The following BAZ1B variants were observed in gnomAD, a reference collection of about 807,000 sequenced individuals.
The protein encoded by BAZ1B is bromodomain adjacent to zinc finger domain 1B, also known as tyrosine-protein kinase BAZ1B.
Under a neutral mutation model 153.8 loss-of-function variants are expected in BAZ1B, and 22 were observed. The ratio of observed to expected loss-of-function variants is 0.14; its 90% CI spans 0.10 to 0.20. BAZ1B has a LOEUF of 0.20. Among genes scored for constraint, BAZ1B ranks in the 10% least tolerant of loss-of-function variants. BAZ1B has a pLI of 1.00. For missense variants in BAZ1B, 1,325 were observed against 1,799.3 expected (o/e 0.74, Z 4.77); for synonymous variants, 676 against 633.4 (o/e 1.07, Z -1.01).
At chr7:73,493,914 G>C (rs1348835854) in intron 4 of BAZ1B, among the ~76,000 whole-genome samples, 1 of 151,444 alleles carries the variant, frequency 6.6e-6, no homozygotes, top group African/African-American at 2.4e-5. Context: ...CAAGCAATAA[G>C]GTGTGGTTAA....
chr7:73,467,477 C>T (rs71556715), intron 9 of BAZ1B, among the ~76,000 whole-genome samples: 20,423 of 152,104 alleles, frequency 0.13, 1,513 homozygotes, highest in African/African-American at 0.19. Context: ...TTAAACAATT[C>T]TCTTGCCTCA....
chr7:73,520,311 A>G (rs1163136328), intron 1 of BAZ1B, among the ~76,000 whole-genome samples: 1 of 152,098 alleles, frequency 6.6e-6, no homozygotes, highest in African/African-American at 2.4e-5. Context: ...ACAGGACAAG[A>G]AAAAAACCAG....
chr7:73,459,358 T>C (rs1788315180), intron 13 of BAZ1B, among the ~76,000 whole-genome samples, 178 bp downstream of exon 13: 1 of 149,860 alleles, frequency 6.7e-6, no homozygotes, highest in Non-Finnish European at 1.5e-5. Context: ...CACAGGCCAG[T>C]GTGAAAACCA....
rs765035145 is a variant in BAZ1B at position 73,475,775 on chromosome 7, T to C, written c.2593+1093A>G. On this transcript the variant is annotated intron_variant, in intron 7 of 19. Transcript: ENST00000339594. ...CCCCATCTCTACAAAAACACAAAAA[T>C]TGGCCAGGCATGATGGCGCATGCCT... is the stretch of plus-strand genomic sequence containing the variant. Among the ~76,000 whole-genome samples the C allele has an allele frequency of 2.4e-4, 36 of 151,778 alleles. 1 individual carries two copies. The highest frequency in any genetic ancestry group is 1.8e-3 in the Admixed American group (28 of 15,240).
In BAZ1B at chr7:73,498,663, C is replaced by T; in HGVS notation, c.405G>A (p.Val135=). 6.2e-7 allele frequency: 1 copy of T among 1,614,076 alleles called. No individual in the cohort carries two copies. ...CCACTTTCTCCAAAGGATGAATCTT[C>T]ACAATCTTCACCTTGAGCATTTTCT... ...GKEKMLKVKI[V]KIHPLEKVDE... is the part of the protein sequence containing the mutation. Residue 135 remains valine, a synonymous_variant, in exon 4 of 20, where the codon GTG becomes GTA. Transcript: ENST00000339594.
chr7:73,480,363 T>C (rs1037398818), intron 6 of BAZ1B, among the ~76,000 whole-genome samples: 1 of 152,112 alleles, frequency 6.6e-6, no homozygotes, highest in South Asian at 2.1e-4. Context: ...TCCGGTCCAT[T>C]TGTCATGATA....
At chr7:73,462,724 T>C (rs1788436350) in intron 12 of BAZ1B, 198 bp downstream of exon 12, 2 of 600,318 alleles carry the variant, frequency 3.3e-6, no homozygotes, top group Non-Finnish European at 5.7e-6. Flanking sequence ...TTACTAAGTT[T>C]TTCTGGATAG....
intron 1 of BAZ1B, among the ~76,000 whole-genome samples, chr7:73,518,593 C>T (rs907925415): frequency 6.6e-6 from 1 of 152,116 alleles, no homozygotes; most frequent in Non-Finnish European, 1.5e-5. Flanking sequence ...GTAGTCCCAG[C>T]TACTCTGGAG....
intron 1 of BAZ1B, among the ~76,000 whole-genome samples, chr7:73,518,326 T>C (rs1318644713): frequency 6.6e-6 from 1 of 150,438 alleles, no homozygotes; most frequent in East Asian, 1.9e-4. Context: ...GGCAGGAAAA[T>C]GGCGTGAACC....
intron 1 of BAZ1B, among the ~76,000 whole-genome samples, chr7:73,512,689 C>T (rs1284356334): frequency 2.0e-5 from 3 of 152,184 alleles, no homozygotes. Context: ...GCAACAGATG[C>T]TATGTAAGAA....
chr7:73,499,792 C>G (rs1790052985), intron 3 of BAZ1B, among the ~76,000 whole-genome samples: 1 of 152,160 alleles, frequency 6.6e-6, no homozygotes, highest in African/African-American at 2.4e-5. Context: ...CTTCTTTATC[C>G]CTGGTTATAT....
chr7:73,491,664 A>G (rs1053715414), intron 5 of BAZ1B, among the ~76,000 whole-genome samples: 2 of 152,190 alleles, frequency 1.3e-5, no homozygotes, highest in African/African-American at 2.4e-5. Flanking sequence ...ATCACGAACC[A>G]TAACACCAAC....
At chr7:73,517,126 T>C (rs1790838669) in intron 1 of BAZ1B, among the ~76,000 whole-genome samples, 1 of 151,116 alleles carries the variant, frequency 6.6e-6, no homozygotes, top group African/African-American at 2.4e-5. Context: ...GAGGTTGTAG[T>C]GAACCAAGAT....
intron 19 of BAZ1B, 46 bp downstream of exon 19, chr7:73,442,135 C>CG: frequency 2.9e-5 from 18 of 615,048 alleles, no homozygotes; most frequent in East Asian, 5.4e-5. Flanking sequence ...CCTCGCTCGC[C>CG]TCCCTCCCAC....
At chr7:73,473,845 G>C (rs1319569350) in intron 7 of BAZ1B, among the ~76,000 whole-genome samples, 1 of 152,138 alleles carries the variant, frequency 6.6e-6, no homozygotes, top group Non-Finnish European at 1.5e-5. Flanking sequence ...ATGCCTGTAA[G>C]TCCCAGCTGC....
intron 2 of BAZ1B, among the ~76,000 whole-genome samples, chr7:73,508,861 A>C (rs1365866637): frequency 1.3e-5 from 2 of 151,960 alleles, no homozygotes; most frequent in African/African-American, 4.8e-5. Flanking sequence ...AAAATATAAA[A>C]AATTAGCCGG....
At position 73,444,006 on chromosome 7, in the gene BAZ1B, T is replaced by A; in HGVS notation, c.3968A>T (p.Asp1323Val). The change falls in exon 17 of 20, where the codon GAT becomes GTT. Residue 1323 changes from aspartate (D) to valine (V), a missense_variant. By Grantham distance (152) the Asp-to-Val change is radical. This residue lies in a region of BAZ1B where 271 missense variants were observed against 337.2 expected (regional missense o/e 0.80). Coordinates refer to ENST00000339594, the MANE Select transcript of BAZ1B (RefSeq NM_032408.4). ...CACCAGCTCATCCACCTCAGCATCATCCACAGGTGGTGCCTTGGGCTGAGA... is the reference window on the plus strand; with the variant it reads ...CACCAGCTCATCCACCTCAGCATCAACCACAGGTGGTGCCTTGGGCTGAGA... ...RRSQPKAPPV[D>V]DAEVDELVLQ... 2.5e-6 allele frequency: 4 copies of A among 1,613,680 alleles called. No homozygotes were observed. The highest frequency in any genetic ancestry group is 3.4e-6 in the Non-Finnish European group (4 of 1,179,844).
chr7:73,507,863 G>A (rs950685266), intron 3 of BAZ1B, among the ~76,000 whole-genome samples: 2 of 152,130 alleles, frequency 1.3e-5, no homozygotes, highest in African/African-American at 4.8e-5. Flanking sequence ...ACAAAACCCT[G>A]TCTCTAAACA....
rs562146622 is a variant in BAZ1B, at chr7:73,466,507, T to C, written c.2867-106A>G. ...ACTCAACAATTTGTAACAACACAGATACTTCCTGTGAAATATATCAAATAT... is the reference window on the plus strand; with the variant it reads ...ACTCAACAATTTGTAACAACACAGACACTTCCTGTGAAATATATCAAATAT... On this transcript the variant is annotated intron_variant, in intron 9 of 19. Coordinates refer to ENST00000339594, the MANE Select transcript of BAZ1B (RefSeq NM_032408.4). The C allele has an allele frequency of 8.9e-5, 61 of 686,462 alleles. No individual in the cohort carries two copies. In the South Asian group the frequency reaches 1.0e-3, roughly 11 times the overall value. 42.5% of individuals were successfully genotyped at this position (686,462 alleles called of 1,614,324 possible).
Sources: allele counts gnomAD v4.1 joint callset (sites outside exome capture counted in the v4.1 genomes callset), GRCh38; gene constraint gnomAD v4.1.1; regional missense constraint gnomAD v4.1.1; transcripts MANE v1.5; gene names NCBI Gene and HGNC (gene_info 2026-07-23, HGNC 2026-07-21).